Variants in TBC1D12 observed in about 807,000 individuals in gnomAD.
TBC1D12 encodes TBC1 domain family member 12.
Under a neutral mutation model 86.7 loss-of-function variants are expected in TBC1D12, and 56 were observed. That is an observed-to-expected ratio of 0.65 (90% CI 0.52 to 0.81). The LOEUF is 0.81. Ranked by LOEUF, TBC1D12 falls within the 30% of genes least tolerant of loss-of-function variation. TBC1D12 has a pLI of 0.00. For synonymous variants in TBC1D12, 421 were observed against 411.7 expected, an observed-to-expected ratio of 1.02 and a Z score of -0.27; for missense variants, 1,023 against 1,038.8, an observed-to-expected ratio of 0.98 and a Z score of 0.21.
chr10:94,420,071 T>G (rs987366289), intron 1 of TBC1D12, among the ~76,000 whole-genome samples: 1 of 152,240 alleles, frequency 6.6e-6, no homozygotes, highest in Admixed American at 6.5e-5. Flanking sequence ...GCTGAAGGCC[T>G]AATCCCCAGT....
intron 1 of TBC1D12, 129 bp downstream of exon 1, chr10:94,403,713 C>A: frequency 8.6e-7 from 1 of 1,161,544 alleles, no homozygotes; most frequent in Non-Finnish European, 1.1e-6. Flanking sequence ...GTGCCAGCCC[C>A]ACACGCGTCA....
rs1842498313 is a variant in TBC1D12, at chr10:94,534,180, AAGC to A, written c.*1085_*1087del. On this transcript the variant is annotated 3_prime_UTR_variant, in exon 13 of 13. Transcript: ENST00000225235. Reference sequence around the variant, plus strand: ...TATCTCTTGATTCAGTTGCCTGAAGAAGCTGGGTAAGGAGATTAGTCTTGTTAT... The same window carrying A: ...TATCTCTTGATTCAGTTGCCTGAAGATGGGTAAGGAGATTAGTCTTGTTAT... The A allele has an allele frequency of 6.6e-6, 1 of 152,214 alleles. No individual in the cohort carries two copies. Among genetic ancestry groups the A allele is most frequent in the African/African-American group, 2.4e-5 (1 of 41,472 alleles). The allele number at this position is 152,214 out of a possible 1,614,324, so 9.4% of individuals were successfully genotyped here. A position where few individuals can be genotyped will look rare whatever the true frequency, so the allele number is the denominator to read the frequency against.
At chr10:94,418,022 G>C (rs1214970221) in intron 1 of TBC1D12, among the ~76,000 whole-genome samples, 1 of 152,082 alleles carries the variant, frequency 6.6e-6, no homozygotes, top group Non-Finnish European at 1.5e-5. Context: ...CCAAAGTGCG[G>C]AGATTACAGA....
At chr10:94,513,108 A>G (rs555188115) in intron 9 of TBC1D12, among the ~76,000 whole-genome samples, 1 of 152,084 alleles carries the variant, frequency 6.6e-6, no homozygotes, top group Non-Finnish European at 1.5e-5. Context: ...TTAGCTGGGC[A>G]TGGTGGCACG....
intron 3 of TBC1D12, among the ~76,000 whole-genome samples, chr10:94,480,876 C>CAA (rs141683357): frequency 1.6e-5 from 2 of 126,632 alleles, no homozygotes; most frequent in Non-Finnish European, 3.4e-5. Flanking sequence ...GACCTTGTCT[C>CAA]AAAAAAAAAA....
chr10:94,521,801 G>T (rs927024598), intron 9 of TBC1D12, among the ~76,000 whole-genome samples, 154 bp from the exon 10 acceptor site: 2 of 151,946 alleles, frequency 1.3e-5, no homozygotes, highest in African/African-American at 4.8e-5. Context: ...AATCATTAGG[G>T]GCTCTCTGTA....
chr10:94,482,716 C>G (rs2056095580), intron 3 of TBC1D12, among the ~76,000 whole-genome samples: 1 of 152,110 alleles, frequency 6.6e-6, no homozygotes, highest in Non-Finnish European at 1.5e-5. Context: ...TCCCAAAGTG[C>G]TAGGATTACA....
At chr10:94,429,468 T>C (rs1411187177) in intron 1 of TBC1D12, among the ~76,000 whole-genome samples, 1 of 152,162 alleles carries the variant, frequency 6.6e-6, no homozygotes, top group African/African-American at 2.4e-5. Context: ...GTAAAGAATG[T>C]TAGTAATCTT....
intron 1 of TBC1D12, among the ~76,000 whole-genome samples, chr10:94,405,581 T>C (rs2054842651): frequency 6.6e-6 from 1 of 152,150 alleles, no homozygotes; most frequent in South Asian, 2.1e-4. Context: ...GGGTGTTTGT[T>C]GGTCATATCT....
At chr10:94,448,165 C>T (rs2055498099) in intron 2 of TBC1D12, among the ~76,000 whole-genome samples, 1 of 152,084 alleles carries the variant, frequency 6.6e-6, no homozygotes, top group Non-Finnish European at 1.5e-5. Flanking sequence ...TAGAATAGAT[C>T]ACTTTCCTCA....
rs776120761 is a variant in TBC1D12, at chr10:94,531,327, A to G, written c.2126A>G (p.Asp709Gly). ...TTAGGAATCCTCCGATTATATGAAGATATTCTCCTGCAGATGGACTTTATT... is the reference window on the plus strand; with the variant it reads ...TTAGGAATCCTCCGATTATATGAAGGTATTCTCCTGCAGATGGACTTTATT... Reference protein sequence around the residue: ...TGLGILRLYEDILLQMDFIHI... With the variant: ...TGLGILRLYEGILLQMDFIHI... Residue 709 changes from aspartate to glycine, a missense_variant, in exon 12 of 13, where the codon GAT becomes GGT. Transcript: ENST00000225235. 141 of 1,614,144 alleles carry G rather than the reference A, an allele frequency of 8.7e-5. 2 individuals carry two copies. The South Asian group carries it at 1.4e-3, about 16-fold the overall frequency.
chr10:94,473,971 A>G (rs1273633950), intron 2 of TBC1D12, among the ~76,000 whole-genome samples: 1 of 152,288 alleles, frequency 6.6e-6, no homozygotes, highest in South Asian at 2.1e-4. Context: ...TTTGAATAAG[A>G]TGTGTTAGCA....
At chr10:94,414,622 C>T (rs975999963) in intron 1 of TBC1D12, among the ~76,000 whole-genome samples, 2 of 130,394 alleles carry the variant, frequency 1.5e-5, no homozygotes, top group Non-Finnish European at 3.1e-5. Context: ...TTTTTTGAGA[C>T]GGAGTCTCGC....
chr10:94,442,513 C>A (rs762667993), intron 2 of TBC1D12, among the ~76,000 whole-genome samples: 20 of 152,174 alleles, frequency 1.3e-4, no homozygotes, highest in Non-Finnish European at 2.4e-4. Flanking sequence ...AGTTGGTACA[C>A]AATCTGTTTC....
chr10:94,410,377 T>G (rs750209713), intron 1 of TBC1D12, among the ~76,000 whole-genome samples: 36 of 152,174 alleles, frequency 2.4e-4, no homozygotes, highest in Non-Finnish European at 4.4e-4. Flanking sequence ...ATTTCACAGT[T>G]TTCTAAAATT....
chr10:94,414,642 C>T (rs955411549), intron 1 of TBC1D12, among the ~76,000 whole-genome samples: 2 of 145,044 alleles, frequency 1.4e-5, no homozygotes, highest in Non-Finnish European at 3.0e-5. Flanking sequence ...CTCTGTCTCT[C>T]GGTCTGGAGT....
intron 2 of TBC1D12, among the ~76,000 whole-genome samples, chr10:94,473,158 G>C (rs902436260): frequency 1.3e-5 from 2 of 151,374 alleles, no homozygotes; most frequent in Admixed American, 6.6e-5. Flanking sequence ...TTTGAAACCA[G>C]CCTGACCAAC....
chr10:94,405,812 ATT>A (rs34165101), intron 1 of TBC1D12, among the ~76,000 whole-genome samples: 40 of 144,032 alleles, frequency 2.8e-4, no homozygotes, highest in South Asian at 4.4e-4. Context: ...ATTTCTGAAC[ATT>A]TTTTTTTTTT....
intron 5 of TBC1D12, among the ~76,000 whole-genome samples, chr10:94,497,606 GC>G (rs1564977819): frequency 1.4e-5 from 2 of 138,064 alleles, no homozygotes; most frequent in Non-Finnish European, 3.0e-5. Context: ...TGCAAGCTCC[GC>G]CTCCCGGGTT....
Sources: gnomAD v4.1 joint callset for allele counts (sites outside exome capture counted in the v4.1 genomes callset) on GRCh38, gnomAD v4.1.1 for gene constraint, MANE v1.5 for transcripts, NCBI Gene and HGNC (gene_info 2026-07-23, HGNC 2026-07-21) for gene names.